The following DCTN1 variants were observed in gnomAD, a reference collection of about 807,000 sequenced individuals.
The protein encoded by DCTN1 is dynactin subunit 1, also known as 150 kDa dynein-associated polypeptide.
In DCTN1, 61 loss-of-function variants were observed where a neutral mutation model predicts 161.2. That is an observed-to-expected ratio of 0.38 (90% confidence interval 0.31 to 0.47). The LOEUF is 0.47. DCTN1 is among the 20% of genes least tolerant of loss of function. The pLI is 0.99. For synonymous variants in DCTN1, 653 were observed against 632.4 expected (o/e 1.03, Z -0.49); for missense variants, 1,404 against 1,623.7 (o/e 0.86, Z 2.33).
upstream of DCTN1, among the ~76,000 whole-genome samples, chr2:74,382,577 G>A (rs1266215566): frequency 3.4e-5 from 5 of 149,014 alleles, no homozygotes; most frequent in African/African-American, 2.5e-5. Flanking sequence ...CTCCAGCCAG[G>A]GCGACAGACT....
intron 31 of DCTN1, among the ~76,000 whole-genome samples, 193 bp downstream of exon 31, chr2:74,361,859 A>G (rs1289340097): frequency 6.6e-6 from 1 of 152,194 alleles, no homozygotes; most frequent in African/African-American, 2.4e-5. Context: ...GAAGGTGTTT[A>G]GGTGCTAAAA....
intron 1 of DCTN1, among the ~76,000 whole-genome samples, chr2:74,387,850 C>G (rs1332693322): frequency 6.6e-6 from 1 of 152,158 alleles, no homozygotes; most frequent in Non-Finnish European, 1.5e-5. Flanking sequence ...CTTCTCTGCC[C>G]ACAAAATGAA....
intron 1 of DCTN1, among the ~76,000 whole-genome samples, chr2:74,389,392 C>A (rs1675890293): frequency 6.6e-6 from 1 of 152,160 alleles, no homozygotes; most frequent in African/African-American, 2.4e-5. Context: ...CCCCCAGTAT[C>A]ACCTAGTAGC....
upstream of DCTN1, chr2:74,385,021 C>T (rs573388549): frequency 6.6e-6 from 1 of 152,336 alleles, no homozygotes; most frequent in African/African-American, 2.4e-5. Flanking sequence ...AGACAACGTA[C>T]ACAGAGCTTT....
intron 1 of DCTN1, among the ~76,000 whole-genome samples, chr2:74,389,689 T>C (rs1340006823): frequency 6.6e-6 from 1 of 152,228 alleles, no homozygotes; most frequent in East Asian, 1.9e-4. Flanking sequence ...TGTAATAGCT[T>C]TGAAAATTAA....
chr2:74,369,053 G>A lies in DCTN1; in HGVS notation c.1701+45C>T. 6.3e-7 allele frequency: 1 copy of A among 1,598,996 alleles called. No homozygotes were observed. Among genetic ancestry groups the A allele is most frequent in the Non-Finnish European group, 8.6e-7 (1 of 1,167,352 alleles). On this transcript the variant is annotated intron_variant, in intron 15 of 31. Transcript: ENST00000628224. The surrounding 1 kb of genome is among the most constrained non-coding windows in gnomAD (Gnocchi z 4.9). ...AATCTGAAGCCCAGACCCCATACCAGTTCATCCCAGGCAGGGCTCCCTCAG... is the reference window on the plus strand; with the variant it reads ...AATCTGAAGCCCAGACCCCATACCAATTCATCCCAGGCAGGGCTCCCTCAG...
intron 25 of DCTN1, 77 bp from the exon 26 acceptor site, chr2:74,365,318 TG>T: frequency 6.3e-7 from 1 of 1,588,766 alleles, no homozygotes; most frequent in Non-Finnish European, 8.6e-7. Flanking sequence ...GAGAGGTCCT[TG>T]GAATAGCCCT....
chr2:74,389,127 G>A (rs1304167240), intron 1 of DCTN1, among the ~76,000 whole-genome samples: 1 of 152,128 alleles, frequency 6.6e-6, no homozygotes, highest in Non-Finnish European at 1.5e-5. Context: ...ATTTGGGGCA[G>A]CAAGGGCCCA....
chr2:74,377,630 T>C lies in DCTN1; in HGVS notation c.358+18A>G. The C allele has an allele frequency of 6.2e-7, 1 of 1,611,286 alleles. No homozygotes were observed. The highest frequency in any genetic ancestry group is 8.5e-7 in the Non-Finnish European group (1 of 1,177,410). ...CCTCCTGGCTATGGGGAGGCAACTT[T>C]AAGTGGGTGGTTGTTACCTCTTTTG... On this transcript the variant is annotated intron_variant, in intron 3 of 31. Coordinates refer to ENST00000628224, the MANE Select transcript of DCTN1 (RefSeq NM_004082.5).
At chr2:74,372,852 G>T in intron 7 of DCTN1, 76 bp downstream of exon 7, 1 of 1,414,760 alleles carries the variant, frequency 7.1e-7, no homozygotes, top group Non-Finnish European at 1.0e-6. Context: ...GCTCATACAC[G>T]TGCCCTCATA....
chr2:74,375,969 A>G (rs1293670952), intron 5 of DCTN1, among the ~76,000 whole-genome samples: 1 of 152,254 alleles, frequency 6.6e-6, no homozygotes, highest in Non-Finnish European at 1.5e-5. Flanking sequence ...AGCACAGTAC[A>G]TACAGGCCAG....
At chr2:74,364,592 A>T in intron 26 of DCTN1, 1 of 250,778 alleles carries the variant, frequency 4.0e-6, no homozygotes, top group Non-Finnish European at 7.8e-6. Flanking sequence ...ACAAGCCCCA[A>T]GTGAAACTGG....
At chr2:74,367,891 G>C in intron 17 of DCTN1, 27 bp from the exon 18 acceptor site, 1 of 1,614,214 alleles carries the variant, frequency 6.2e-7, no homozygotes, top group African/African-American at 1.3e-5. Context: ...GGCACTGTGA[G>C]GCTAGAGTCT....
chr2:74,364,601 G>T (rs535555959), intron 26 of DCTN1: 1 of 249,450 alleles, frequency 4.0e-6, no homozygotes, highest in Non-Finnish European at 7.9e-6. Context: ...AAGTGAAACT[G>T]GGATAATTCA....
chr2:74,363,696 C>T (rs1417109713), intron 26 of DCTN1, 68 bp from the exon 27 acceptor site: 35 of 1,598,098 alleles, frequency 2.2e-5, no homozygotes, highest in South Asian at 1.2e-4. Context: ...TTGGGGGTTA[C>T]GGGGACACAC....
chr2:74,362,544 C>A (rs759022690), intron 30 of DCTN1, 106 bp downstream of exon 30: 7 of 1,200,986 alleles, frequency 5.8e-6, no homozygotes, highest in Non-Finnish European at 7.2e-6. Context: ...TCCATCTCCT[C>A]CCCAATTGCT....
intron 1 of DCTN1, chr2:74,378,831 CCCCATCCACAAA>C (rs1331948506): frequency 6.3e-6 from 1 of 159,058 alleles, no homozygotes; most frequent in Non-Finnish European, 1.4e-5. Context: ...CTCCTCCCAC[CCCCATCCACAAA>C]CCCACCATGA....
chr2:74,372,856 C>CCT, intron 7 of DCTN1, 72 bp downstream of exon 7: 3 of 1,447,978 alleles, frequency 2.1e-6, no homozygotes, highest in Non-Finnish European at 2.9e-6. Flanking sequence ...ATACACGTGC[C>CCT]CTCATACATC....
intron 30 of DCTN1, 77 bp downstream of exon 30, chr2:74,362,573 C>T (rs1674089058): frequency 6.8e-7 from 1 of 1,479,122 alleles, no homozygotes; most frequent in African/African-American, 1.4e-5. Flanking sequence ...CAGGGCTGGG[C>T]TCAGAGGAAC....
Sources: allele counts gnomAD v4.1 joint callset (sites outside exome capture counted in the v4.1 genomes callset), GRCh38; gene constraint gnomAD v4.1.1; non-coding constraint Gnocchi (gnomAD v3.1); transcripts MANE v1.5; gene names NCBI Gene and HGNC (gene_info 2026-07-23, HGNC 2026-07-21).